Variants in TDRD7 observed in about 807,000 individuals in gnomAD.
The protein encoded by TDRD7 is tudor domain-containing protein 7.
Under a neutral mutation model 109.8 loss-of-function variants are expected in TDRD7, and 47 were observed. That is an observed-to-expected ratio of 0.43 (90% CI 0.34 to 0.55). TDRD7 has a LOEUF of 0.55. TDRD7 is among the 20% of genes least tolerant of loss of function. TDRD7 has a pLI of 0.03. For synonymous variants in TDRD7, 424 were observed against 457.3 expected, an observed-to-expected ratio of 0.93 and a Z score of 0.93; for missense variants, 1,164 against 1,319.2, an observed-to-expected ratio of 0.88 and a Z score of 1.82.
chr9:97,415,725 G>A (rs535030987), intron 1 of TDRD7, among the ~76,000 whole-genome samples: 12 of 152,288 alleles, frequency 7.9e-5, no homozygotes, highest in East Asian at 1.9e-4. Flanking sequence ...CCCGGCAGGC[G>A]GAGGTTGCAG....
chr9:97,414,996 G>A (rs554452519), intron 1 of TDRD7, among the ~76,000 whole-genome samples: 45 of 152,286 alleles, frequency 3.0e-4, no homozygotes, highest in African/African-American at 8.4e-4. Context: ...TTAAGTTCCC[G>A]CTGTTGCTAA....
In TDRD7 at chr9:97,440,307, C is replaced by T. The variant is rs116787053; in HGVS notation, c.637+989C>T. Among the ~76,000 whole-genome samples the T allele has an allele frequency of 8.1e-3, 1,232 of 152,284 alleles. 14 individuals carry two copies. Among genetic ancestry groups the T allele is most frequent in the African/African-American group, 0.027 (1,134 of 41,546 alleles). On this transcript the variant is annotated intron_variant, in intron 5 of 16. Coordinates refer to ENST00000355295, the MANE Select transcript of TDRD7 (RefSeq NM_014290.3). ...ACAACCTCTCCTACATGATGGACACCTCCATTACTACTTTAATTTGTTTAA... is the reference window on the plus strand; with the variant it reads ...ACAACCTCTCCTACATGATGGACACTTCCATTACTACTTTAATTTGTTTAA...
Position 97,480,941 on chromosome 9 carries a change from T to TA in TDRD7, c.2412+4dup, listed in dbSNP as rs1340295639. The TA allele has an allele frequency of 6.2e-7, 1 of 1,612,982 alleles. No individual in the cohort carries two copies. The highest frequency in any genetic ancestry group is 1.1e-5 in the South Asian group (1 of 91,058). On this transcript the variant is annotated splice_donor_region_variant and intron_variant, in intron 14 of 16. Transcript: ENST00000355295. The stretch of plus-strand genomic sequence containing the variant: ...ATTGCTCGGACTGTAGCATTAAGGT[T>TA]AGCTATCTTGTTGGGCCTGATACAT...
chr9:97,470,691 ACT>A (rs781303460), intron 9 of TDRD7, 22 bp downstream of exon 9: 3 of 1,583,060 alleles, frequency 1.9e-6, no homozygotes, highest in East Asian at 2.2e-5. Context: ...TTTTTAAAAA[ACT>A]CTCTCCATTT....
At chr9:97,426,650 G>A (rs1197740559) in intron 1 of TDRD7, among the ~76,000 whole-genome samples, 1 of 152,152 alleles carries the variant, frequency 6.6e-6, no homozygotes, top group African/African-American at 2.4e-5. Context: ...ATATTACTAG[G>A]CTATAGGAAT....
In TDRD7 at chr9:97,478,500, C is replaced by T. The variant is rs753362201; in HGVS notation, c.2228C>T (p.Thr743Ile). ...DVQFLDSGTV[T>I]SVKVSELREI... The stretch of plus-strand genomic sequence containing the variant: ...CAGTTCCTGGACTCTGGCACTGTGA[C>T]ATCTGTAAAAGTGTCAGAGCTCAGG... The change falls in exon 13 of 17, where the codon ACA becomes ATA. Residue 743 changes from threonine (T) to isoleucine (I), a missense_variant. Thr to Ile is a moderately conservative substitution (Grantham distance 89). Coordinates refer to ENST00000355295, the MANE Select transcript of TDRD7 (RefSeq NM_014290.3). 6.2e-6 allele frequency: 10 copies of T among 1,614,064 alleles called. No homozygotes were observed. The highest frequency in any genetic ancestry group is 8.5e-6 in the Non-Finnish European group (10 of 1,179,984).
Position 97,483,079 on chromosome 9 carries a change from C to T in TDRD7, c.2643C>T (p.Leu881=), listed in dbSNP as rs191153157. The change falls in exon 15 of 17, where the codon CTC becomes CTT. Residue 881 remains leucine, a synonymous_variant. Coordinates refer to ENST00000355295, the MANE Select transcript of TDRD7 (RefSeq NM_014290.3). ...CTGGAGAGAATTTCAGAAAGAACCTCACAGATGTCATCAAAAAGTCCATGG... is the reference window on the plus strand; with the variant it reads ...CTGGAGAGAATTTCAGAAAGAACCTTACAGATGTCATCAAAAAGTCCATGG... ...GNTGENFRKN[L]TDVIKKSMVD... is the part of the protein sequence containing the mutation. 1.1e-5 allele frequency: 18 copies of T among 1,614,148 alleles called. No individual in the cohort carries two copies. Among genetic ancestry groups the T allele is most frequent in the Middle Eastern group, 1.6e-4 (1 of 6,062 alleles).
Position 97,439,229 on chromosome 9 carries a change from T to C in TDRD7, c.564-16T>C, listed in dbSNP as rs1481881314. 6.4e-7 allele frequency: 1 copy of C among 1,563,114 alleles called. No homozygotes were observed. The highest frequency in any genetic ancestry group is 8.6e-7 in the Non-Finnish European group (1 of 1,164,740). Reference sequence around the variant, plus strand: ...TATTTACATTTATTTTACTTTTTTTTTTTTTAATATCTTAGGTTTAGCCCA... The same window carrying C: ...TATTTACATTTATTTTACTTTTTTTCTTTTTAATATCTTAGGTTTAGCCCA... On this transcript the variant is annotated splice_polypyrimidine_tract_variant and intron_variant, in intron 4 of 16. Transcript: ENST00000355295.
At chr9:97,442,356 GTT>G (rs1447132221) in intron 6 of TDRD7, among the ~76,000 whole-genome samples, 1 of 151,868 alleles carries the variant, frequency 6.6e-6, no homozygotes, top group Admixed American at 6.6e-5. Flanking sequence ...TAATAATAGT[GTT>G]TATATTATAA....
intron 6 of TDRD7, among the ~76,000 whole-genome samples, chr9:97,449,620 A>G (rs1828457015): frequency 6.6e-6 from 1 of 152,020 alleles, no homozygotes; most frequent in Non-Finnish European, 1.5e-5. Context: ...AGCCCTCCAA[A>G]CCTGTCATCT....
intron 4 of TDRD7, among the ~76,000 whole-genome samples, chr9:97,435,776 G>A (rs1587865054): frequency 6.6e-6 from 1 of 152,188 alleles, no homozygotes; most frequent in East Asian, 1.9e-4. Context: ...GATGTTATGG[G>A]TAACATTTCT....
intron 8 of TDRD7, among the ~76,000 whole-genome samples, chr9:97,467,222 G>A (rs1262183496): frequency 6.6e-6 from 1 of 152,196 alleles, no homozygotes; most frequent in African/African-American, 2.4e-5. Flanking sequence ...GATTTCTTAT[G>A]AAGAGAAGAA....
chr9:97,462,446 G>A (rs1828741133), intron 7 of TDRD7, among the ~76,000 whole-genome samples: 1 of 152,098 alleles, frequency 6.6e-6, no homozygotes, highest in African/African-American at 2.4e-5. Flanking sequence ...TTAGGTTATT[G>A]GCTTCTGCCC....
chr9:97,452,344 T>C (rs1287299397), intron 6 of TDRD7, among the ~76,000 whole-genome samples: 1 of 152,258 alleles, frequency 6.6e-6, no homozygotes, highest in East Asian at 1.9e-4. Flanking sequence ...TCTGAATCAA[T>C]TCCAGGTAGA....
chr9:97,449,448 G>T (rs949701872), intron 6 of TDRD7, among the ~76,000 whole-genome samples: 11 of 152,140 alleles, frequency 7.2e-5, no homozygotes, highest in African/African-American at 2.7e-4. Context: ...CTCCTCTTTG[G>T]GTTTGATTAA....
At chr9:97,459,585 A>G (rs970321370) in intron 6 of TDRD7, among the ~76,000 whole-genome samples, 2 of 152,228 alleles carry the variant, frequency 1.3e-5, no homozygotes, top group Non-Finnish European at 2.9e-5. Context: ...AGATTGGATG[A>G]CATACAAGTG....
chr9:97,445,698 A>G (rs1319971069), intron 6 of TDRD7, among the ~76,000 whole-genome samples: 2 of 152,210 alleles, frequency 1.3e-5, no homozygotes, highest in Non-Finnish European at 2.9e-5. Flanking sequence ...AGAGTTGCTC[A>G]GGAAGAAGCT....
intron 4 of TDRD7, among the ~76,000 whole-genome samples, chr9:97,437,545 T>C (rs1828225938): frequency 6.6e-6 from 1 of 152,180 alleles, no homozygotes; most frequent in Admixed American, 6.5e-5. Context: ...TAGAAGCAGG[T>C]TACTCAAGGG....
At chr9:97,440,530 A>G (rs1828284397) in intron 5 of TDRD7, among the ~76,000 whole-genome samples, 2 of 152,136 alleles carry the variant, frequency 1.3e-5, no homozygotes, top group Non-Finnish European at 2.9e-5. Flanking sequence ...TATACCCTTA[A>G]TAGGAAATAT....
Sources: gnomAD v4.1 joint callset for allele counts (sites outside exome capture counted in the v4.1 genomes callset) on GRCh38, gnomAD v4.1.1 for gene constraint, MANE v1.5 for transcripts, NCBI Gene and HGNC (gene_info 2026-07-23, HGNC 2026-07-21) for gene names.